UNC13B: variants seen among roughly 807,000 people sequenced by gnomAD.
UNC13B encodes protein unc-13 homolog B.
UNC13B carries 144 observed loss-of-function variants against 211.0 expected under a neutral mutation model. The ratio of observed to expected loss-of-function variants is 0.68; its 90% CI spans 0.60 to 0.78. UNC13B has a LOEUF of 0.78. UNC13B is among the 30% of genes least tolerant of loss of function. The pLI, the probability that UNC13B is intolerant of heterozygous loss-of-function variation, is 0.00. For synonymous variants in UNC13B, 709 were observed against 725.8 expected (o/e 0.98, Z 0.37); for missense variants, 1,777 against 2,002.0 (o/e 0.89, Z 2.14).
At chr9:35,179,459 A>G (rs1821815655) in intron 1 of UNC13B, among the ~76,000 whole-genome samples, 1 of 152,172 alleles carries the variant, frequency 6.6e-6, no homozygotes. Context: ...GGTAGTGACT[A>G]AAACTGTATC....
intron 5 of UNC13B, 102 bp from the exon 6 acceptor site, chr9:35,243,189 A>G (rs1304951811): frequency 8.7e-7 from 1 of 1,151,070 alleles, no homozygotes. Flanking sequence ...CATCACTACC[A>G]CCTTCTGACT....
intron 1 of UNC13B, among the ~76,000 whole-genome samples, chr9:35,224,322 C>T (rs576719149): frequency 6.6e-6 from 1 of 152,234 alleles, no homozygotes; most frequent in African/African-American, 2.4e-5. Flanking sequence ...CAATTTCTCT[C>T]ATCAGTGTTT....
chr9:35,204,457 A>G (rs536742539), intron 1 of UNC13B, among the ~76,000 whole-genome samples: 1 of 152,318 alleles, frequency 6.6e-6, no homozygotes, highest in African/African-American at 2.4e-5. Context: ...GTGCCTGGAA[A>G]AGCCACAGGC....
intron 1 of UNC13B, among the ~76,000 whole-genome samples, chr9:35,181,586 C>T (rs893284610): frequency 2.6e-5 from 4 of 152,144 alleles, no homozygotes; most frequent in Non-Finnish European, 4.4e-5. Context: ...CCTGTAATAC[C>T]GGCACTTTGG....
At chr9:35,381,465 T>C in intron 19 of UNC13B, 91 bp from the exon 20 acceptor site, 1 of 1,438,282 alleles carries the variant, frequency 7.0e-7, no homozygotes, top group Admixed American at 2.4e-5. Context: ...TGTGGGACCT[T>C]GTGCACATTC....
At chr9:35,175,742 C>T (rs1324820568) in intron 1 of UNC13B, among the ~76,000 whole-genome samples, 3 of 151,834 alleles carry the variant, frequency 2.0e-5, no homozygotes, top group Non-Finnish European at 4.4e-5. Flanking sequence ...AAAGGCCAGG[C>T]GTGGTGGCTC....
chr9:35,401,854 C>A, intron 37 of UNC13B: 1 of 1,173,952 alleles, frequency 8.5e-7, no homozygotes, highest in Non-Finnish European at 1.2e-6. Context: ...ATGTGTAGAG[C>A]TGCTTTGAAT....
chr9:35,376,664 T>G (rs1834435857), intron 15 of UNC13B, among the ~76,000 whole-genome samples: 2 of 152,152 alleles, frequency 1.3e-5, no homozygotes, highest in South Asian at 4.1e-4. Context: ...AAGCCTAGAA[T>G]CTAGGACTCA....
chr9:35,403,036 T>C (rs1836425818), intron 37 of UNC13B, 131 bp from the exon 38 acceptor site: 2 of 682,006 alleles, frequency 2.9e-6, no homozygotes, highest in South Asian at 3.8e-5. Context: ...TCCCTTCTCC[T>C]ATTGCTTACT....
Position 35,301,635 on chromosome 9 carries a change from C to T in UNC13B, c.2231C>T (p.Ala744Val). Residue 744 changes from alanine to valine, a missense_variant, in exon 9 of 40, where the codon GCA (alanine) becomes GTA (valine). Transcript: ENST00000635942. The stretch of plus-strand genomic sequence containing the variant: ...GAACCTTCAAACTTAGTTAGTTCTG[C>T]AAGTAAAAATGATGAGAGTCTATTG... ...TSEPSNLVSSASKNDESLLEE... is the reference protein window; with the variant it reads ...TSEPSNLVSSVSKNDESLLEE... The T allele has an allele frequency of 2.5e-6, 1 of 398,774 alleles. No individual in the cohort carries two copies. The allele number at this position is 398,774 out of a possible 1,614,324, so 24.7% of individuals were successfully genotyped here. A position where few individuals can be genotyped will look rare whatever the true frequency, so the allele number is the denominator to read the frequency against.
chr9:35,271,844 T>G (rs1827898528), intron 7 of UNC13B, among the ~76,000 whole-genome samples: 1 of 152,206 alleles, frequency 6.6e-6, no homozygotes, highest in Non-Finnish European at 1.5e-5. Context: ...GATGACTACT[T>G]ACATCAAAAC....
intron 3 of UNC13B, among the ~76,000 whole-genome samples, chr9:35,231,647 G>A (rs1004673587): frequency 6.6e-6 from 1 of 152,102 alleles, no homozygotes; most frequent in Non-Finnish European, 1.5e-5. Context: ...ATCTTCATGT[G>A]TACCTCAGTC....
At position 35,306,186 on chromosome 9, in the gene UNC13B, G is replaced by A. The variant is rs781086379; in HGVS notation, c.6782G>A (p.Arg2261Lys). The A allele has an allele frequency of 2.5e-6, 1 of 399,030 alleles. No individual in the cohort carries two copies. Among genetic ancestry groups the A allele is most frequent in the Non-Finnish European group, 4.4e-6 (1 of 226,060 alleles). 24.7% of individuals were successfully genotyped at this position (399,030 alleles called of 1,614,324 possible). A position where few individuals can be genotyped will look rare whatever the true frequency, so the allele number is the denominator to read the frequency against. ...GTAGAGAGTGGTAGCACAATGACCA[G>A]AGAAAGTTCCAGTGGTCATAGAGAT... is the stretch of plus-strand genomic sequence containing the variant. ...VFVESGSTMTRESSSGHRDSI... is the reference protein window; with the variant it reads ...VFVESGSTMTKESSSGHRDSI... Residue 2261 changes from arginine (R) to lysine (K), a missense_variant, in exon 9 of 40, where the codon AGA (arginine) becomes AAA (lysine). Transcript: ENST00000635942.
At chr9:35,202,587 C>T (rs889983185) in intron 1 of UNC13B, among the ~76,000 whole-genome samples, 3 of 151,972 alleles carry the variant, frequency 2.0e-5, no homozygotes, top group Admixed American at 2.0e-4. Flanking sequence ...TGAATTGATC[C>T]CTTTACCATT....
chr9:35,294,126 C>G (rs963692615), intron 7 of UNC13B, among the ~76,000 whole-genome samples: 1 of 152,038 alleles, frequency 6.6e-6, no homozygotes, highest in Non-Finnish European at 1.5e-5. Context: ...GGGGTCATTT[C>G]CCTATTATCT....
intron 7 of UNC13B, among the ~76,000 whole-genome samples, chr9:35,284,734 A>G (rs1415274777): frequency 6.6e-6 from 1 of 152,220 alleles, no homozygotes; most frequent in African/African-American, 2.4e-5. Context: ...AGGGAAGAGA[A>G]TAATTTCTAG....
chr9:35,249,098 C>A (rs529186428), intron 6 of UNC13B, among the ~76,000 whole-genome samples: 15 of 152,138 alleles, frequency 9.9e-5, no homozygotes, highest in East Asian at 7.7e-4. Context: ...TGATCCCTTT[C>A]CCATTATGTA....
At position 35,398,976 on chromosome 9, in the gene UNC13B, T is replaced by G; in HGVS notation, c.12016T>G (p.Ser4006Ala). The G allele has an allele frequency of 6.2e-7, 1 of 1,614,170 alleles. No homozygotes were observed. The highest frequency in any genetic ancestry group is 8.5e-7 in the Non-Finnish European group (1 of 1,180,016). ...GAATGCATCTCCAGACGCCAGGGCCTCAGCGGCTCAGGATGCAGATAGCGT... is the reference window on the plus strand; with the variant it reads ...GAATGCATCTCCAGACGCCAGGGCCGCAGCGGCTCAGGATGCAGATAGCGT... ...TGNASPDARA[S>A]AAQDADSVLR... Residue 4006 changes from serine to alanine, a missense_variant, in exon 33 of 40, where the codon TCA becomes GCA. By Grantham distance (99) the Ser-to-Ala change is moderately conservative (BLOSUM62 1). Transcript: ENST00000635942.
At chr9:35,334,987 G>A (rs1346022952) in intron 11 of UNC13B, among the ~76,000 whole-genome samples, 3 of 152,172 alleles carry the variant, frequency 2.0e-5, no homozygotes, top group South Asian at 2.1e-4. Context: ...GCAGTGAGCC[G>A]AGATCGCGCC....
Sources: allele counts gnomAD v4.1 joint callset (sites outside exome capture counted in the v4.1 genomes callset), GRCh38; gene constraint gnomAD v4.1.1; transcripts MANE v1.5; gene names NCBI Gene and HGNC (gene_info 2026-07-23, HGNC 2026-07-21).